GRM8: variants seen among roughly 807,000 people sequenced by gnomAD.
GRM8 encodes the protein metabotropic glutamate receptor 8.
GRM8 carries 47 observed loss-of-function variants against 87.2 expected under a neutral mutation model. The ratio of observed to expected loss-of-function variants is 0.54; its 90% confidence interval spans 0.43 to 0.69. The LOEUF (loss-of-function observed/expected upper bound fraction) is 0.69, where lower values mean the gene tolerates loss of function less well. GRM8 is among the 30% of genes least tolerant of loss of function. The probability of loss-of-function intolerance (pLI) is 0.00; values close to 1 mark genes in which losing one functional copy is unlikely to be tolerated. For missense variants in GRM8, 1,019 were observed against 1,139.2 expected, an observed-to-expected ratio of 0.89 and a Z score of 1.52; for synonymous variants, 396 against 404.5, an observed-to-expected ratio of 0.98 and a Z score of 0.25.
chr7:126,786,578 G>T (rs1468637402), intron 6 of GRM8, among the ~76,000 whole-genome samples: 1 of 152,000 alleles, frequency 6.6e-6, no homozygotes, highest in Non-Finnish European at 1.5e-5. Flanking sequence ...TGCAGTGAGG[G>T]GTCATTTCCA....
intron 3 of GRM8, among the ~76,000 whole-genome samples, chr7:127,009,761 G>A (rs1002009747): frequency 3.3e-5 from 5 of 151,952 alleles, no homozygotes; most frequent in African/African-American, 7.3e-5. Context: ...ATTTGATCCA[G>A]TATAGAAAGA....
intron 6 of GRM8, among the ~76,000 whole-genome samples, chr7:126,806,202 C>G (rs866664503): frequency 6.6e-6 from 1 of 152,118 alleles, no homozygotes; most frequent in Non-Finnish European, 1.5e-5. Flanking sequence ...TTCGTGGTCT[C>G]GCTGACTTCA....
chr7:127,090,644 GT>G (rs1823969193), intron 3 of GRM8, among the ~76,000 whole-genome samples: 1 of 152,146 alleles, frequency 6.6e-6, no homozygotes, highest in Non-Finnish European at 1.5e-5. Flanking sequence ...TACTGCTTCT[GT>G]TTCCCAACTG....
intron 2 of GRM8, among the ~76,000 whole-genome samples, chr7:127,181,849 C>T (rs551299409): frequency 1.5e-4 from 23 of 151,904 alleles, no homozygotes; most frequent in South Asian, 6.2e-4. Context: ...CAACTCAAGA[C>T]GGATTAAGGA....
chr7:127,033,120 T>A (rs951313570), intron 3 of GRM8, among the ~76,000 whole-genome samples: 1 of 151,834 alleles, frequency 6.6e-6, no homozygotes, highest in Admixed American at 6.6e-5. Flanking sequence ...GCTTTATTTT[T>A]TTAACTCAAT....
chr7:126,971,157 T>TAA (rs71177581), intron 3 of GRM8, among the ~76,000 whole-genome samples: 9 of 100,250 alleles, frequency 9.0e-5, no homozygotes, highest in South Asian at 3.9e-4. Flanking sequence ...TTTCAATTTG[T>TAA]AAAAAAAAAA....
At chr7:126,676,370 A>C (rs537740530) in intron 7 of GRM8, among the ~76,000 whole-genome samples, 1 of 152,284 alleles carries the variant, frequency 6.6e-6, no homozygotes, top group African/African-American at 2.4e-5. Context: ...GAACTAAAAA[A>C]TATCCTAAAA....
At chr7:126,949,068 C>A (rs139364153) in intron 3 of GRM8, among the ~76,000 whole-genome samples, 94 of 152,326 alleles carry the variant, frequency 6.2e-4, no homozygotes, top group African/African-American at 1.8e-3. Flanking sequence ...AACACTAACA[C>A]CTACCTTGTA....
intron 6 of GRM8, among the ~76,000 whole-genome samples, chr7:126,816,896 T>G (rs1424494990): frequency 6.6e-6 from 1 of 152,110 alleles, no homozygotes. Flanking sequence ...AGTCCTTCTA[T>G]TCACGCTTCC....
At chr7:126,795,478 A>G (rs1477716546) in intron 6 of GRM8, among the ~76,000 whole-genome samples, 1 of 152,168 alleles carries the variant, frequency 6.6e-6, no homozygotes, top group Admixed American at 6.6e-5. Context: ...AAATAAAATG[A>G]GAGTTTCCAA....
intron 8 of GRM8, among the ~76,000 whole-genome samples, chr7:126,553,081 C>CCCT (rs1209838552): frequency 6.6e-6 from 1 of 152,060 alleles, no homozygotes; most frequent in Non-Finnish European, 1.5e-5. Context: ...CACCACCAAT[C>CCCT]CCTCCTCCTG....
intron 10 of GRM8, among the ~76,000 whole-genome samples, chr7:126,443,013 G>A (rs1037404915): frequency 7.9e-5 from 12 of 151,976 alleles, no homozygotes; most frequent in African/African-American, 2.4e-5. Flanking sequence ...ATAGGGAGAT[G>A]TTTTTCACGG....
chr7:126,660,677 T>G (rs538971717), intron 7 of GRM8, among the ~76,000 whole-genome samples: 58 of 152,340 alleles, frequency 3.8e-4, no homozygotes, highest in African/African-American at 1.3e-3. Context: ...TTAATTACTT[T>G]TAGTGCAATT....
intron 9 of GRM8, among the ~76,000 whole-genome samples, chr7:126,455,167 T>C (rs1043631480): frequency 5.9e-5 from 9 of 151,726 alleles, no homozygotes; most frequent in South Asian, 2.1e-4. Context: ...ACACTAATCC[T>C]GTAAGGTAGG....
At chr7:126,524,949 T>C (rs1053257770) in intron 9 of GRM8, among the ~76,000 whole-genome samples, 35 of 152,250 alleles carry the variant, frequency 2.3e-4, no homozygotes, top group Admixed American at 2.3e-3. Flanking sequence ...TTTTCTTATA[T>C]TTCCTGAATT....
At chr7:127,247,961 C>T (rs1422287793) in intron 1 of GRM8, among the ~76,000 whole-genome samples, 1 of 152,074 alleles carries the variant, frequency 6.6e-6, no homozygotes, top group Non-Finnish European at 1.5e-5. Context: ...AAATCTGATA[C>T]AGGAGAAGCT....
intron 3 of GRM8, among the ~76,000 whole-genome samples, chr7:127,060,170 C>T (rs1820467916): frequency 6.6e-6 from 1 of 152,168 alleles, no homozygotes; most frequent in Non-Finnish European, 1.5e-5. Flanking sequence ...GGCAAGTTTT[C>T]AAACAAGTTT....
At chr7:127,027,445 T>A (rs1816901805) in intron 3 of GRM8, among the ~76,000 whole-genome samples, 1 of 152,214 alleles carries the variant, frequency 6.6e-6, no homozygotes, top group Non-Finnish European at 1.5e-5. Context: ...TTTTTCACAA[T>A]ATTAATTCTT....
intron 3 of GRM8, among the ~76,000 whole-genome samples, chr7:126,970,608 G>T (rs1480286423): frequency 6.6e-6 from 1 of 152,116 alleles, no homozygotes; most frequent in Non-Finnish European, 1.5e-5. Context: ...TCAGCAGTAA[G>T]GCTGTTTTGC....
Sources: allele counts gnomAD v4.1 joint callset (sites outside exome capture counted in the v4.1 genomes callset), GRCh38; gene constraint gnomAD v4.1.1; transcripts MANE v1.5; gene names NCBI Gene and HGNC (gene_info 2026-07-23, HGNC 2026-07-21).